The following MCM5 variants were observed in gnomAD, a reference collection of about 807,000 sequenced individuals.
The protein encoded by MCM5 is minichromosome maintenance complex component 5, also known as DNA replication licensing factor MCM5.
In MCM5, 46 loss-of-function variants were observed where a neutral mutation model predicts 79.9. That is an observed-to-expected ratio of 0.58 (90% CI 0.45 to 0.74). MCM5 has a LOEUF of 0.74. Ranked by LOEUF, MCM5 falls within the 30% of genes least tolerant of loss-of-function variation. The probability of loss-of-function intolerance (pLI) is 0.00; values close to 1 mark genes in which losing one functional copy is unlikely to be tolerated. For missense variants in MCM5, 883 were observed against 1,017.0 expected, an observed-to-expected ratio of 0.87 and a Z score of 1.79; for synonymous variants, 404 against 390.5, an observed-to-expected ratio of 1.03 and a Z score of -0.41.
At position 35,416,417 on chromosome 22, in the gene MCM5, C is replaced by T. The variant is rs1268684883; in HGVS notation, c.1413+13C>T. On this transcript the variant is annotated intron_variant, in intron 11 of 16. Coordinates refer to ENST00000216122, the MANE Select transcript of MCM5 (RefSeq NM_006739.4). ...CTCTATCGCCAAGGTGAGTGGCCCT[C>T]CATGGAGAGCCCAGCCTGCAGCAGC... The T allele has an allele frequency of 6.2e-7, 1 of 1,611,480 alleles. No individual in the cohort carries two copies. The highest frequency in any genetic ancestry group is 8.5e-7 in the Non-Finnish European group (1 of 1,179,726).
At position 35,406,714 on chromosome 22, in the gene MCM5, G is replaced by A; in HGVS notation, c.585G>A (p.Arg195=). ...RPGLEGYALP[R]KCNTDQAGRP... ...GCCTCGAGGGCTATGCCCTGCCCAGGAAGTGCAACACGTGAGTCTGTGGCC... is the reference window on the plus strand; with the variant it reads ...GCCTCGAGGGCTATGCCCTGCCCAGAAAGTGCAACACGTGAGTCTGTGGCC... Residue 195 remains arginine, a synonymous_variant, in exon 5 of 17, where the codon AGG becomes AGA. Transcript: ENST00000216122. 6.2e-7 allele frequency: 1 copy of A among 1,607,794 alleles called. No homozygotes were observed. The highest frequency in any genetic ancestry group is 8.5e-7 in the Non-Finnish European group (1 of 1,179,974).
the MCM5 span, among the ~76,000 whole-genome samples, chr22:35,434,416 A>G: frequency 6.6e-6 from 1 of 152,102 alleles, no homozygotes; most frequent in East Asian, 1.9e-4. Context: ...GCCAAGAAAG[A>G]GCTTTTTTCT....
At chr22:35,415,552 G>C (rs912902907) in intron 9 of MCM5, among the ~76,000 whole-genome samples, 2 of 152,180 alleles carry the variant, frequency 1.3e-5, no homozygotes, top group African/African-American at 4.8e-5. Context: ...TGTGAGTTGG[G>C]CCTCACAAGA....
intron 4 of MCM5, among the ~76,000 whole-genome samples, chr22:35,405,909 G>A (rs141108158): frequency 0.062 from 9,345 of 151,848 alleles, 382 homozygotes; most frequent in Non-Finnish European, 0.086. Context: ...TACTTGGGAG[G>A]CTGAGGCAGG....
intron 8 of MCM5, among the ~76,000 whole-genome samples, chr22:35,413,052 T>G (rs1264036715): frequency 6.7e-6 from 1 of 148,946 alleles, no homozygotes; most frequent in Non-Finnish European, 1.5e-5. Flanking sequence ...CATTCTTTGT[T>G]TTTTTTTTTT....
chr22:35,454,348 A>C, the MCM5 span, among the ~76,000 whole-genome samples: 1 of 152,050 alleles, frequency 6.6e-6, no homozygotes, highest in East Asian at 1.9e-4. Flanking sequence ...CTATTAAACA[A>C]ACACATGCCA....
rs928539221 is a variant in MCM5, at chr22:35,410,569, G to A, written c.753-175G>A. 6.0e-5 allele frequency: 39 copies of A among 648,692 alleles called. 1 individual carries two copies. Among genetic ancestry groups the A allele is most frequent in the Middle Eastern group, 7.6e-4 (2 of 2,648 alleles). 40.2% of individuals were successfully genotyped at this position (648,692 alleles called of 1,614,324 possible). ...AGCAGCTGAGCATGGGCTGAGTGAC[G>A]TGGGGAGAGAGGCCGTTCTCTGGGC... On this transcript the variant is annotated intron_variant, in intron 6 of 16. Coordinates refer to ENST00000216122, the MANE Select transcript of MCM5 (RefSeq NM_006739.4).
chr22:35,408,600 G>A lies in MCM5; in HGVS notation c.752+37G>A, dbSNP rs760279434. 1.3e-5 allele frequency: 20 copies of A among 1,586,142 alleles called. No individual in the cohort carries two copies. In the African/African-American group the frequency reaches 1.9e-4, roughly 15 times the overall value. On this transcript the variant is annotated intron_variant, in intron 6 of 16. Transcript: ENST00000216122. ...GGGCTGGGAGGTGGGCATCTACGACGGTGGATGTCCCAGCTGTGGCCCTAA... is the reference window on the plus strand; with the variant it reads ...GGGCTGGGAGGTGGGCATCTACGACAGTGGATGTCCCAGCTGTGGCCCTAA...
rs133421 is a variant in MCM5, at chr22:35,416,511, C to CTGTGTG, written c.1414-71_1414-66dup. 7,476 of 1,021,582 alleles carry CTGTGTG rather than the reference C, an allele frequency of 7.3e-3. 70 individuals are homozygous for CTGTGTG. The highest frequency in any genetic ancestry group is 0.023 in the East Asian group (765 of 33,634). 63.3% of individuals were successfully genotyped at this position (1,021,582 alleles called of 1,614,324 possible). On this transcript the variant is annotated intron_variant, in intron 11 of 16. Coordinates refer to ENST00000216122, the MANE Select transcript of MCM5 (RefSeq NM_006739.4). ...AGTTCTCTTTGCCCAGGCCTAGAAT[C>CTGTGTG]TGTGTGTGTGTGTGTGTGTGTGTGT...
Position 35,408,431 on chromosome 22 carries a change from G to GC in MCM5, c.623dup (p.Leu209IlefsTer26). On this transcript the variant is annotated frameshift_variant, in exon 6 of 17. Transcript: ENST00000216122. LOFTEE classifies it high-confidence loss of function. ...AGAGATCAGGCTGGGCGCCCCAAATGCCCATTGGACCCGTACTTCATCATG... is the reference window on the plus strand; with the variant it reads ...AGAGATCAGGCTGGGCGCCCCAAATGCCCCATTGGACCCGTACTTCATCATG... The GC allele has an allele frequency of 6.2e-7, 1 of 1,614,104 alleles. No homozygotes were observed. Among genetic ancestry groups the GC allele is most frequent in the African/African-American group, 1.3e-5 (1 of 75,064 alleles).
At chr22:35,402,730 G>T (rs4645745) in intron 2 of MCM5, among the ~76,000 whole-genome samples, 1,643 of 152,264 alleles carry the variant, frequency 0.011, 25 homozygotes, top group African/African-American at 0.038. Context: ...TTTTAGTAGA[G>T]ACTGGGTGTT....
At chr22:35,441,112 C>T in the MCM5 span, among the ~76,000 whole-genome samples, 2 of 151,192 alleles carry the variant, frequency 1.3e-5, no homozygotes, top group Non-Finnish European at 1.5e-5. Flanking sequence ...AGGGACCTTG[C>T]GTCCAAGGTG....
chr22:35,413,756 A>G, intron 8 of MCM5, 119 bp from the exon 9 acceptor site: 1 of 676,826 alleles, frequency 1.5e-6, no homozygotes. Flanking sequence ...CCTTCTTACC[A>G]ACTCTGAGGC....
intron 5 of MCM5, among the ~76,000 whole-genome samples, chr22:35,408,036 TC>T (rs535587496): frequency 1.9e-3 from 297 of 152,326 alleles, no homozygotes; most frequent in Non-Finnish European, 3.5e-3. Context: ...CTGCCTAGAA[TC>T]CCACTGGAAA....
At chr22:35,408,264 C>A in intron 5 of MCM5, 144 bp from the exon 6 acceptor site, 1 of 668,708 alleles carries the variant, frequency 1.5e-6, no homozygotes. Context: ...GGCAGCGTTG[C>A]CTGCCTGGCT....
chr22:35,411,722 C>T (rs1932388421), intron 7 of MCM5, among the ~76,000 whole-genome samples: 4 of 152,152 alleles, frequency 2.6e-5, no homozygotes, highest in Admixed American at 2.6e-4. Context: ...CACAAACTAC[C>T]TAGATTATTA....
rs1462965878 is a variant in MCM5 at position 35,424,320 on chromosome 22, T to C, written c.*65T>C. ...TCGCCCCTCCTGCCGCTGCCTGCCATTGACAATGTTGCTGGGACCTCTGCC... is the reference window on the plus strand; with the variant it reads ...TCGCCCCTCCTGCCGCTGCCTGCCACTGACAATGTTGCTGGGACCTCTGCC... On this transcript the variant is annotated 3_prime_UTR_variant, in exon 17 of 17. Coordinates refer to ENST00000216122, the MANE Select transcript of MCM5 (RefSeq NM_006739.4). 1.0e-5 allele frequency: 12 copies of C among 1,198,856 alleles called. No homozygotes were observed. The African/African-American group carries it at 1.1e-4, about 11-fold the overall frequency. The allele number at this position is 1,198,856 out of a possible 1,614,324, so 74.3% of individuals were successfully genotyped here.
At chr22:35,428,938 G>A (rs113602076), downstream of MCM5, among the ~76,000 whole-genome samples, 14 of 142,518 alleles carry the variant, frequency 9.8e-5, no homozygotes, top group Non-Finnish European at 1.5e-4. Flanking sequence ...GACTACAGGC[G>A]CATGCCAGTA....
the MCM5 span, among the ~76,000 whole-genome samples, chr22:35,438,624 C>CATCCACCCACATATTCATCCATCT: frequency 6.6e-6 from 1 of 151,574 alleles, no homozygotes; most frequent in African/African-American, 2.4e-5. Flanking sequence ...TTCATCCATC[C>CATCCACCCACATATTCATCCATCT]ATCCACCCAC....
Sources: gnomAD v4.1 joint callset for allele counts (sites outside exome capture counted in the v4.1 genomes callset) on GRCh38, gnomAD v4.1.1 for gene constraint, MANE v1.5 for transcripts, NCBI Gene and HGNC (gene_info 2026-07-23, HGNC 2026-07-21) for gene names.